Variants in SLMAP observed in about 807,000 individuals in gnomAD.
SLMAP encodes the protein sarcolemmal membrane-associated protein.
In SLMAP, 44 loss-of-function variants were observed where a neutral mutation model predicts 128.8. The observed-to-expected ratio is 0.34, with a 90% CI of 0.27 to 0.44. The LOEUF is 0.44. Among genes scored for constraint, SLMAP ranks in the 20% least tolerant of loss-of-function variants. The pLI is 1.00. For missense variants in SLMAP, 787 were observed against 985.3 expected (o/e 0.80, Z 2.69); for synonymous variants, 327 against 348.8 (o/e 0.94, Z 0.70).
intron 2 of SLMAP, among the ~76,000 whole-genome samples, chr3:57,759,059 A>C (rs2078114958): frequency 6.6e-6 from 1 of 152,218 alleles, no homozygotes; most frequent in African/African-American, 2.4e-5. Flanking sequence ...TGATTTAAGG[A>C]ATTATTTTGT....
chr3:57,858,368 CA>C (rs1200825278), intron 8 of SLMAP, among the ~76,000 whole-genome samples: 2 of 152,054 alleles, frequency 1.3e-5, no homozygotes, highest in Non-Finnish European at 2.9e-5. Context: ...TTTTCTATTG[CA>C]GTTAATATTT....
intron 3 of SLMAP, among the ~76,000 whole-genome samples, chr3:57,840,636 A>G (rs1315540098): frequency 1.3e-5 from 2 of 152,216 alleles, no homozygotes; most frequent in Non-Finnish European, 2.9e-5. Flanking sequence ...TGCAACAGTG[A>G]GAAGCTGTCT....
intron 17 of SLMAP, chr3:57,901,069 C>T (rs540832024): frequency 1.1e-3 from 165 of 152,282 alleles, no homozygotes; most frequent in African/African-American, 3.3e-3. Context: ...TCCTGACCCC[C>T]AATACAAGCA....
intron 13 of SLMAP, among the ~76,000 whole-genome samples, chr3:57,867,793 AAT>A (rs1389974121): frequency 6.6e-6 from 1 of 152,204 alleles, no homozygotes; most frequent in Non-Finnish European, 1.5e-5. Context: ...AATATTTTTA[AAT>A]ATCTGAAGAT....
rs548136591 is a variant in SLMAP, at chr3:57,756,799, C to T, written c.-853C>T. ...GCCCAGAAGCCTAGGCGTCCGGGGA[C>T]CAACTTCCTGCCGCCTGGGAACTCG... On this transcript the variant is annotated 5_prime_UTR_variant, in exon 2 of 25. Transcript: ENST00000671191. The T allele has an allele frequency of 6.6e-6, 1 of 152,412 alleles. No individual in the cohort carries two copies. The highest frequency in any genetic ancestry group is 1.9e-4 in the East Asian group (1 of 5,164). The allele number at this position is 152,412 out of a possible 1,614,324, so 9.4% of individuals were successfully genotyped here.
In SLMAP at chr3:57,781,305, T is replaced by A. The variant is rs113294765; in HGVS notation, c.198+23456T>A. ...TACATTATGTATGTATTTGTTGGGA[T>A]GATTAAAGGGATATAAAATAGGTTA... On this transcript the variant is annotated intron_variant, in intron 2 of 24. Coordinates refer to ENST00000671191, the MANE Select transcript of SLMAP (RefSeq NM_001377540.1). Among the ~76,000 whole-genome samples, 488 of 152,248 alleles carry A rather than the reference T, an allele frequency of 3.2e-3. 3 individuals carry two copies. The highest frequency in any genetic ancestry group is 0.011 in the African/African-American group (466 of 41,548).
intron 2 of SLMAP, among the ~76,000 whole-genome samples, chr3:57,830,711 C>A (rs1577196337): frequency 6.6e-6 from 1 of 152,310 alleles, no homozygotes; most frequent in African/African-American, 2.4e-5. Context: ...CAAAAAGAAA[C>A]CTTGTACCCA....
At chr3:57,799,745 A>T (rs946604034) in intron 2 of SLMAP, among the ~76,000 whole-genome samples, 5 of 152,002 alleles carry the variant, frequency 3.3e-5, no homozygotes, top group African/African-American at 1.2e-4. Flanking sequence ...AACTCATTAA[A>T]TTTTTTTCCC....
intron 2 of SLMAP, among the ~76,000 whole-genome samples, chr3:57,829,571 C>A (rs1211482431): frequency 6.6e-6 from 1 of 152,140 alleles, no homozygotes; most frequent in Non-Finnish European, 1.5e-5. Flanking sequence ...CTGTCCTTAT[C>A]TCCCTGGGTG....
At position 57,771,165 on chromosome 3, in the gene SLMAP, TCCC is replaced by T. The variant is rs1244561743; in HGVS notation, c.198+13318_198+13320del. Among the ~76,000 whole-genome samples, 257 of 80,234 alleles carry T rather than the reference TCCC, an allele frequency of 3.2e-3. 11 individuals are homozygous for T. In the East Asian group the frequency reaches 0.067, roughly 21 times the overall value. The allele number at this position is 80,234 out of a possible 152,430, so 52.6% of individuals were successfully genotyped here. On this transcript the variant is annotated intron_variant, in intron 2 of 24. Transcript: ENST00000671191. Reference sequence around the variant, plus strand: ...TGCTCTCCCCTCCCCTCCCCTCCCCTCCCCTCCCCTCCCCTCTCCTCTCCTCCC... The same window carrying T: ...TGCTCTCCCCTCCCCTCCCCTCCCCTCTCCCCTCCCCTCTCCTCTCCTCCC...
chr3:57,892,074 G>A (rs886087984), intron 15 of SLMAP, among the ~76,000 whole-genome samples: 1 of 152,062 alleles, frequency 6.6e-6, no homozygotes, highest in Non-Finnish European at 1.5e-5. Context: ...AAATACTCAG[G>A]GATTTTTCTA....
chr3:57,844,579 T>TA (rs1345698934), intron 4 of SLMAP, among the ~76,000 whole-genome samples: 1 of 152,144 alleles, frequency 6.6e-6, no homozygotes, highest in Admixed American at 6.5e-5. Flanking sequence ...GTATATCACT[T>TA]ATGGAATGTG....
intron 19 of SLMAP, among the ~76,000 whole-genome samples, chr3:57,910,430 C>T (rs906783762): frequency 6.6e-6 from 1 of 151,866 alleles, no homozygotes; most frequent in East Asian, 1.9e-4. Flanking sequence ...GATCCACCCA[C>T]CTTGGCCTCC....
chr3:57,862,130 C>T (rs1390778977), intron 10 of SLMAP, 44 bp downstream of exon 10: 2 of 1,467,332 alleles, frequency 1.4e-6, no homozygotes, highest in East Asian at 2.3e-5. Flanking sequence ...CTAATAATCC[C>T]TAACACACTA....
intron 17 of SLMAP, among the ~76,000 whole-genome samples, chr3:57,902,993 A>G (rs887045741): frequency 2.6e-5 from 4 of 152,198 alleles, no homozygotes; most frequent in African/African-American, 9.7e-5. Flanking sequence ...TATTTCTCAG[A>G]TGTTTTATTG....
At chr3:57,912,775 C>CA in intron 20 of SLMAP, 74 bp downstream of exon 20, 1 of 1,154,490 alleles carries the variant, frequency 8.7e-7, no homozygotes, top group South Asian at 1.7e-5. Context: ...AAAAAAGAAA[C>CA]ATGCAGGCTT....
rs559058674 is a variant in SLMAP at position 57,855,592 on chromosome 3, T to C, written c.520-2141T>C. Among the ~76,000 whole-genome samples, 391 of 150,134 alleles carry C rather than the reference T, an allele frequency of 2.6e-3. 9 individuals are homozygous for C. Among genetic ancestry groups the C allele is most frequent in the Non-Finnish European group, 3.4e-4 (23 of 67,476 alleles). On this transcript the variant is annotated intron_variant, in intron 6 of 24. Coordinates refer to ENST00000671191, the MANE Select transcript of SLMAP (RefSeq NM_001377540.1). ...CTTTAAATATATATTTAAAAAGTTT[T>C]TGGGGCAGGCATGGTGGCTCATGCC...
intron 2 of SLMAP, among the ~76,000 whole-genome samples, chr3:57,775,265 A>C (rs915822665): frequency 2.6e-5 from 4 of 151,700 alleles, no homozygotes; most frequent in Non-Finnish European, 5.9e-5. Context: ...CGTGGTCTCG[A>C]TCTCCTGACC....
chr3:57,776,854 C>G (rs1478668847), intron 2 of SLMAP, among the ~76,000 whole-genome samples: 1 of 151,872 alleles, frequency 6.6e-6, no homozygotes, highest in East Asian at 1.9e-4. Context: ...ATATTTTGAA[C>G]TTTGATCATG....
Sources: gnomAD v4.1 joint callset for allele counts (sites outside exome capture counted in the v4.1 genomes callset) on GRCh38, gnomAD v4.1.1 for gene constraint, MANE v1.5 for transcripts, NCBI Gene and HGNC (gene_info 2026-07-23, HGNC 2026-07-21) for gene names.